ADD1: variants seen among roughly 807,000 people sequenced by gnomAD.
ADD1 encodes alpha-adducin.
A neutral mutation model predicts 80.5 loss-of-function variants in ADD1; 24 were observed. The observed-to-expected ratio is 0.30, with a 90% CI of 0.22 to 0.42. The LOEUF is 0.42. Ranked by LOEUF, ADD1 falls within the 10% of genes least tolerant of loss-of-function variation. The pLI, the probability that ADD1 is intolerant of heterozygous loss-of-function variation, is 1.00. For missense variants in ADD1, 948 were observed against 1,019.0 expected (o/e 0.93, Z 0.95); for synonymous variants, 373 against 393.8 (o/e 0.95, Z 0.63).
At chr4:2,882,109 A>G in intron 3 of ADD1, 49 bp downstream of exon 3, 1 of 1,505,734 alleles carries the variant, frequency 6.6e-7, no homozygotes, top group African/African-American at 1.4e-5. Context: ...TTCAGGTAAA[A>G]TTTCCTGAAG....
At chr4:2,872,224 G>A (rs1180989188) in intron 1 of ADD1, among the ~76,000 whole-genome samples, 3 of 152,130 alleles carry the variant, frequency 2.0e-5, no homozygotes, top group African/African-American at 7.2e-5. Context: ...TGTTGTCTGT[G>A]TTTATTTGAA....
At chr4:2,849,117 A>T (rs544162309) in intron 1 of ADD1, among the ~76,000 whole-genome samples, 1 of 152,262 alleles carries the variant, frequency 6.6e-6, no homozygotes, top group East Asian at 1.9e-4. Context: ...CCAACTGTGT[A>T]TTTTCTCCAC....
intron 4 of ADD1, among the ~76,000 whole-genome samples, chr4:2,892,993 G>T (rs1480343355): frequency 6.6e-6 from 1 of 152,104 alleles, no homozygotes; most frequent in Non-Finnish European, 1.5e-5. Flanking sequence ...ATGACTGACT[G>T]CAACCTCTGC....
intron 1 of ADD1, among the ~76,000 whole-genome samples, chr4:2,859,023 G>C (rs1251526227): frequency 1.3e-5 from 2 of 152,206 alleles, no homozygotes; most frequent in Non-Finnish European, 2.9e-5. Flanking sequence ...CTGGTACAAA[G>C]TCAAAACCTG....
rs752868581 is a variant in ADD1, at chr4:2,881,072, CTT to C, written c.196-804_196-803del. 5.6e-5 allele frequency among the ~76,000 whole-genome samples: 5 copies of C among 89,356 alleles called. No homozygotes were observed. The South Asian group carries it at 1.2e-3, about 22-fold the overall frequency. The allele number at this position is 89,356 out of a possible 152,430, so 58.6% of individuals were successfully genotyped here. A position where few individuals can be genotyped will look rare whatever the true frequency, so the allele number is the denominator to read the frequency against. ...TACAATGAACATTTTGATGTATTTA[CTT>C]TTTTTTTTTTTTTTTTTTTTTGAGA... On this transcript the variant is annotated intron_variant, in intron 2 of 15. Transcript: ENST00000683351.
At chr4:2,865,002 C>T (rs964666623) in intron 1 of ADD1, among the ~76,000 whole-genome samples, 3 of 152,126 alleles carry the variant, frequency 2.0e-5, no homozygotes, top group Admixed American at 1.3e-4. Context: ...ATCTCCTGGT[C>T]ATCTCTGTCC....
chr4:2,928,868 C>T lies in ADD1; in HGVS notation c.*345C>T, dbSNP rs1206452744. ...CTGAGCCTCACCTTTCCTGCCGTCC[C>T]TCCTGTTGTGAAATCACCACATTCT... On this transcript the variant is annotated 3_prime_UTR_variant, in exon 16 of 16. Transcript: ENST00000683351. 1 of 266,748 alleles carries T rather than the reference C, an allele frequency of 3.7e-6. No individual in the cohort carries two copies. Among genetic ancestry groups the T allele is most frequent in the Admixed American group, 5.7e-5 (1 of 17,588 alleles). 16.5% of individuals were successfully genotyped at this position (266,748 alleles called of 1,614,324 possible). A position where few individuals can be genotyped will look rare whatever the true frequency, so the allele number is the denominator to read the frequency against.
Position 2,905,002 on chromosome 4 carries a change from A to G in ADD1, c.1400A>G (p.Lys467Arg), listed in dbSNP as rs1055787585. ...GAAGGGCAGAATGGAAGCAGTCCCAAGTCGAAGACTAAGGTGTGGACGAAC... is the reference window on the plus strand; with the variant it reads ...GAAGGGCAGAATGGAAGCAGTCCCAGGTCGAAGACTAAGGTGTGGACGAAC... ...SEEGQNGSSP[K>R]SKTKVWTNIT... The change falls in exon 10 of 16, where the codon AAG becomes AGG. Residue 467 changes from lysine to arginine, a missense_variant. By Grantham distance (26) the Lys-to-Arg change is conservative (BLOSUM62 2). Transcript: ENST00000683351. The G allele has an allele frequency of 1.2e-6, 2 of 1,614,238 alleles. No homozygotes were observed. The highest frequency in any genetic ancestry group is 8.5e-7 in the Non-Finnish European group (1 of 1,180,042).
intron 13 of ADD1, among the ~76,000 whole-genome samples, chr4:2,911,740 A>T (rs1175788549): frequency 6.6e-6 from 1 of 152,130 alleles, no homozygotes; most frequent in Non-Finnish European, 1.5e-5. Context: ...ATAGGGTGTG[A>T]GCCACCGCGC....
intron 14 of ADD1, among the ~76,000 whole-genome samples, 183 bp from the exon 15 acceptor site, chr4:2,925,831 A>C (rs1230847189): frequency 6.6e-6 from 1 of 152,248 alleles, no homozygotes; most frequent in Non-Finnish European, 1.5e-5. Flanking sequence ...TGAAATTCGC[A>C]TCAGTCAACA....
In ADD1 at chr4:2,928,333, C is replaced by G. The variant is rs1350006319; in HGVS notation, c.2210C>G (p.Thr737Ser). Residue 737 changes from threonine (T) to serine (S), a missense_variant, in exon 16 of 16, where the codon ACT becomes AGT. Thr to Ser is a moderately conservative substitution (Grantham distance 58). Coordinates refer to ENST00000683351, the MANE Select transcript of ADD1 (RefSeq NM_001354761.2). ...HRPPSPTEAP[T>S]EASPEPAPDP... is the part of the protein sequence containing the mutation. ...CCCCCAAGCCCCACTGAGGCCCCTA[C>G]TGAGGCCAGCCCCGAGCCAGCCCCA... 12 of 1,613,834 alleles carry G rather than the reference C, an allele frequency of 7.4e-6. No individual in the cohort carries two copies. The highest frequency in any genetic ancestry group is 9.3e-6 in the Non-Finnish European group (11 of 1,179,988).
chr4:2,928,155 T>A lies in ADD1; in HGVS notation c.2048-16T>A. ...GGGCAGGAACCCTTAATCCCATCTC[T>A]CACCTCACCCACTAGACCTTGTGCC... On this transcript the variant is annotated splice_polypyrimidine_tract_variant and intron_variant, in intron 15 of 15. Transcript: ENST00000683351. 6.2e-7 allele frequency: 1 copy of A among 1,612,208 alleles called. No individual in the cohort carries two copies. The highest frequency in any genetic ancestry group is 8.5e-7 in the Non-Finnish European group (1 of 1,178,860).
At chr4:2,860,171 TCTC>T (rs1269049121) in intron 1 of ADD1, among the ~76,000 whole-genome samples, 1 of 152,144 alleles carries the variant, frequency 6.6e-6, no homozygotes, top group Non-Finnish European at 1.5e-5. Context: ...GGTCTAGAAA[TCTC>T]CTTTTCTTCT....
chr4:2,852,245 TTCTC>T (rs774382939), intron 1 of ADD1, among the ~76,000 whole-genome samples: 4 of 138,130 alleles, frequency 2.9e-5, no homozygotes, highest in Admixed American at 7.4e-5. Flanking sequence ...CTTTCTTTCT[TTCTC>T]TTTCTTTCTT....
rs13306096 is a variant in ADD1 at position 2,929,835 on chromosome 4, G to A, written c.*1312G>A. The A allele has an allele frequency of 1.8e-3, 278 of 152,728 alleles. 5 individuals are homozygous for A. The highest frequency in any genetic ancestry group is 0.018 in the East Asian group (92 of 5,192). 9.5% of individuals were successfully genotyped at this position (152,728 alleles called of 1,614,324 possible). A position where few individuals can be genotyped will look rare whatever the true frequency, so the allele number is the denominator to read the frequency against. ...AAGCGTGCTGCCTCTCTTCTGTGTC[G>A]TTTTGTTGCCAAGGCAGAATGAAAA... On this transcript the variant is annotated 3_prime_UTR_variant, in exon 16 of 16. Coordinates refer to ENST00000683351, the MANE Select transcript of ADD1 (RefSeq NM_001354761.2).
rs1711561615 is a variant in ADD1 at position 2,926,168 on chromosome 4, C to T, written c.2047+56C>T. 5 of 1,490,186 alleles carry T rather than the reference C, an allele frequency of 3.4e-6. No individual in the cohort carries two copies. Among genetic ancestry groups the T allele is most frequent in the Non-Finnish European group, 3.7e-6 (4 of 1,068,804 alleles). 92.3% of individuals were successfully genotyped at this position (1,490,186 alleles called of 1,614,324 possible). Reference sequence around the variant, plus strand: ...TGGGAGGGTGCACGGCTCGTGCGCGCTGTGGCGGAATGTGGCGGGAGTCGT... The same window carrying T: ...TGGGAGGGTGCACGGCTCGTGCGCGTTGTGGCGGAATGTGGCGGGAGTCGT... On this transcript the variant is annotated intron_variant, in intron 15 of 15. Coordinates refer to ENST00000683351, the MANE Select transcript of ADD1 (RefSeq NM_001354761.2). This position sits in a 1 kb window ranked among gnomAD's most constrained non-coding sequence, Gnocchi z 5.0.
At chr4:2,892,250 G>C (rs1336501952) in intron 4 of ADD1, among the ~76,000 whole-genome samples, 2 of 152,134 alleles carry the variant, frequency 1.3e-5, no homozygotes, top group South Asian at 4.1e-4. Flanking sequence ...AGCTCCAACT[G>C]TCCGACCCTA....
At chr4:2,856,793 G>A (rs546572937) in intron 1 of ADD1, among the ~76,000 whole-genome samples, 15 of 152,034 alleles carry the variant, frequency 9.9e-5, no homozygotes, top group Non-Finnish European at 1.9e-4. Flanking sequence ...GTTTCACCAC[G>A]TTGGCCAGGC....
chr4:2,892,516 T>G (rs748108405), intron 4 of ADD1, among the ~76,000 whole-genome samples: 17 of 151,978 alleles, frequency 1.1e-4, no homozygotes, highest in Non-Finnish European at 2.1e-4. Context: ...GCAATGAGGA[T>G]GTGGTGTTGT....
Sources: gnomAD v4.1 joint callset for allele counts (sites outside exome capture counted in the v4.1 genomes callset) on GRCh38, gnomAD v4.1.1 for gene constraint, Gnocchi (gnomAD v3.1) non-coding constraint, MANE v1.5 for transcripts, NCBI Gene and HGNC (gene_info 2026-07-23, HGNC 2026-07-21) for gene names.